KCNAB1: variants seen among roughly 807,000 people sequenced by gnomAD.
The protein encoded by KCNAB1 is potassium voltage-gated channel subfamily A regulatory beta subunit 1.
In KCNAB1, 35 loss-of-function variants were observed where a neutral mutation model predicts 64.6. The observed-to-expected ratio is 0.54, with a 90% CI of 0.41 to 0.72. The LOEUF (loss-of-function observed/expected upper bound fraction) is 0.72, where lower values mean the gene tolerates loss of function less well. Ranked by LOEUF, KCNAB1 falls within the 30% of genes least tolerant of loss-of-function variation. KCNAB1 has a pLI of 0.00. For missense variants in KCNAB1, 401 were observed against 512.9 expected, an observed-to-expected ratio of 0.78 and a Z score of 2.11; for synonymous variants, 177 against 183.8, an observed-to-expected ratio of 0.96 and a Z score of 0.30.
At chr3:156,246,894 A>G (rs910825502) in intron 1 of KCNAB1, among the ~76,000 whole-genome samples, 1 of 152,198 alleles carries the variant, frequency 6.6e-6, no homozygotes, top group Non-Finnish European at 1.5e-5. Flanking sequence ...AGTGCTCTGT[A>G]ACCTTTTGCT....
chr3:156,358,137 G>A (rs1028370901), intron 1 of KCNAB1, among the ~76,000 whole-genome samples: 2 of 152,144 alleles, frequency 1.3e-5, no homozygotes, highest in African/African-American at 4.8e-5. Context: ...AGAAGCACAG[G>A]TTTACATCAA....
At chr3:156,454,714 G>A (rs1267922085) in intron 3 of KCNAB1, among the ~76,000 whole-genome samples, 2 of 152,066 alleles carry the variant, frequency 1.3e-5, no homozygotes, top group African/African-American at 4.8e-5. Flanking sequence ...AGGGAGGGAG[G>A]CCTACAGTTA....
intron 1 of KCNAB1, among the ~76,000 whole-genome samples, chr3:156,364,824 C>T (rs1725846106): frequency 6.6e-6 from 1 of 151,978 alleles, no homozygotes; most frequent in South Asian, 2.1e-4. Context: ...ACCTGCAACA[C>T]AAATAAGCAC....
chr3:156,480,815 T>C (rs2108331000), intron 8 of KCNAB1, among the ~76,000 whole-genome samples: 1 of 152,254 alleles, frequency 6.6e-6, no homozygotes, highest in East Asian at 1.9e-4. Flanking sequence ...GCTACTGTAC[T>C]TGACCACGCA....
intron 1 of KCNAB1, chr3:156,143,461 T>G (rs1714831737): frequency 7.4e-7 from 1 of 1,343,054 alleles, no homozygotes; most frequent in Non-Finnish European, 1.0e-6. Context: ...GGCACTGCAC[T>G]GATGTCAAAG....
chr3:156,485,973 C>G (rs1019590633), intron 8 of KCNAB1, among the ~76,000 whole-genome samples: 4 of 152,024 alleles, frequency 2.6e-5, no homozygotes, highest in Non-Finnish European at 5.9e-5. Context: ...CACTGTTTTC[C>G]GAGGGCCCAG....
Position 156,351,004 on chromosome 3 carries a change from G to A in KCNAB1, c.276-70612G>A, listed in dbSNP as rs76100875. On this transcript the variant is annotated intron_variant, in intron 1 of 13. Transcript: ENST00000490337. ...TTTGCACAGTTGTCATGGGAGGGAC[G>A]TAGTGAACGGAAGGAATCAGACAGA... 7.3e-3 allele frequency among the ~76,000 whole-genome samples: 1,105 copies of A among 152,320 alleles called. 15 individuals carry two copies. Among genetic ancestry groups the A allele is most frequent in the African/African-American group, 0.026 (1,069 of 41,574 alleles).
chr3:156,401,437 CT>C (rs1713883067), intron 1 of KCNAB1, among the ~76,000 whole-genome samples: 1 of 152,264 alleles, frequency 6.6e-6, no homozygotes, highest in African/African-American at 2.4e-5. Flanking sequence ...GGATTTTTTC[CT>C]TTCTATTTTT....
intron 2 of KCNAB1, among the ~76,000 whole-genome samples, chr3:156,443,806 G>A (rs1263206873): frequency 6.6e-6 from 1 of 150,392 alleles, no homozygotes; most frequent in Admixed American, 6.6e-5. Flanking sequence ...AAATGGAGAT[G>A]CTGCTTGCAC....
chr3:156,319,823 G>T (rs951670993), intron 1 of KCNAB1, among the ~76,000 whole-genome samples: 1 of 152,024 alleles, frequency 6.6e-6, no homozygotes, highest in Admixed American at 6.6e-5. Flanking sequence ...AAATAACCTG[G>T]TAATCAAGTG....
At chr3:156,318,703 A>G (rs1288505118) in intron 1 of KCNAB1, among the ~76,000 whole-genome samples, 4 of 152,242 alleles carry the variant, frequency 2.6e-5, no homozygotes, top group Admixed American at 2.0e-4. Flanking sequence ...GAATGCTCTT[A>G]AATTTTAATG....
chr3:156,257,312 C>T (rs1003674404), intron 1 of KCNAB1, among the ~76,000 whole-genome samples: 1 of 152,192 alleles, frequency 6.6e-6, no homozygotes, highest in Non-Finnish European at 1.5e-5. Flanking sequence ...GAACAAAATT[C>T]ATGGGGCTTT....
chr3:156,312,858 A>G (rs1034368992), intron 1 of KCNAB1, among the ~76,000 whole-genome samples: 41 of 152,288 alleles, frequency 2.7e-4, no homozygotes, highest in African/African-American at 9.6e-4. Context: ...AGGTTTGTGG[A>G]AATTTCTCTC....
intron 11 of KCNAB1, among the ~76,000 whole-genome samples, chr3:156,518,139 A>T (rs369900522): frequency 2.4e-3 from 373 of 152,348 alleles, no homozygotes; most frequent in Admixed American, 6.3e-3. Context: ...GAATGTTTGA[A>T]GGTGGCTAAG....
intron 8 of KCNAB1, among the ~76,000 whole-genome samples, chr3:156,498,210 A>G (rs1162719109): frequency 6.6e-6 from 1 of 152,204 alleles, no homozygotes; most frequent in African/African-American, 2.4e-5. Context: ...AGAATGGACA[A>G]GACAATGTTG....
intron 1 of KCNAB1, among the ~76,000 whole-genome samples, chr3:156,353,635 G>A (rs977024251): frequency 1.8e-4 from 28 of 152,206 alleles, no homozygotes; most frequent in Admixed American, 6.5e-4. Context: ...GGTAGGAAGA[G>A]CCACTTCCAA....
At chr3:156,322,299 T>G (rs1297729750) in intron 1 of KCNAB1, among the ~76,000 whole-genome samples, 1 of 152,222 alleles carries the variant, frequency 6.6e-6, no homozygotes, top group East Asian at 1.9e-4. Context: ...GAACGTTTGA[T>G]GTGACTGAAC....
chr3:156,150,925 A>G (rs1042936206), intron 1 of KCNAB1, among the ~76,000 whole-genome samples: 1 of 152,188 alleles, frequency 6.6e-6, no homozygotes, highest in African/African-American at 2.4e-5. Flanking sequence ...TTATAGAGCA[A>G]ATTTTCTATG....
intron 1 of KCNAB1, among the ~76,000 whole-genome samples, chr3:156,211,717 C>A (rs1332720895): frequency 1.3e-5 from 2 of 152,212 alleles, no homozygotes; most frequent in African/African-American, 4.8e-5. Context: ...TACTTTGACA[C>A]TTCTCATAAT....
Sources: allele counts gnomAD v4.1 joint callset (sites outside exome capture counted in the v4.1 genomes callset), GRCh38; gene constraint gnomAD v4.1.1; transcripts MANE v1.5; gene names NCBI Gene and HGNC (gene_info 2026-07-23, HGNC 2026-07-21).